Variants in SAP30 observed in about 807,000 individuals in gnomAD.
The protein encoded by SAP30 is histone deacetylase complex subunit SAP30.
A neutral mutation model predicts 19.6 loss-of-function variants in SAP30; 13 were observed. The observed-to-expected ratio is 0.66, with a 90% confidence interval of 0.43 to 1.05. The LOEUF is 1.05. Among genes scored for constraint, SAP30 ranks in the 50% least tolerant of loss-of-function variants. SAP30 has a pLI of 0.00. For missense variants in SAP30, 257 were observed against 292.1 expected (o/e 0.88, Z 0.88); for synonymous variants, 108 against 122.7 (o/e 0.88, Z 0.79).
chr4:173,374,272 C>T (rs575209876), intron 3 of SAP30, among the ~76,000 whole-genome samples: 1 of 152,212 alleles, frequency 6.6e-6, no homozygotes, highest in South Asian at 2.1e-4. Flanking sequence ...TACTGGCTTT[C>T]AAAATGTGTT....
rs767690430 is a variant in SAP30, at chr4:173,371,203, C to G, written c.21C>G (p.Asp7Glu). ...GAGACATGAACGGCTTCACGCCTGA[C>G]GAGATGAGCCGCGGCGGGGATGCGG... Reference protein sequence around the residue: MNGFTPDEMSRGGDAAA... With the variant: MNGFTPEEMSRGGDAAA... Residue 7 changes from aspartate (D) to glutamate (E), a missense_variant, in exon 1 of 4, where the codon GAC (aspartate) becomes GAG (glutamate). By Grantham distance (45) the Asp-to-Glu change is conservative. Transcript: ENST00000296504. The surrounding 1 kb of genome is among the most constrained non-coding windows in gnomAD (Gnocchi z 6.4). 9 of 1,477,420 alleles carry G rather than the reference C, an allele frequency of 6.1e-6. No homozygotes were observed. The highest frequency in any genetic ancestry group is 2.9e-5 in the East Asian group (1 of 33,954). 91.5% of individuals were successfully genotyped at this position (1,477,420 alleles called of 1,614,324 possible).
intron 1 of SAP30, among the ~76,000 whole-genome samples, 156 bp from the exon 2 acceptor site, chr4:173,373,234 G>A (rs1312964759): frequency 1.3e-5 from 2 of 151,850 alleles, no homozygotes; most frequent in Non-Finnish European, 2.9e-5. Flanking sequence ...ATGTTTTAGC[G>A]TATAGGATTT....
At position 173,374,035 on chromosome 4, in the gene SAP30, G is replaced by T. The variant is rs1738996273; in HGVS notation, c.538G>T (p.Glu180Ter). The T allele has an allele frequency of 6.4e-7, 1 of 1,561,326 alleles. No individual in the cohort carries two copies. Among genetic ancestry groups the T allele is most frequent in the East Asian group, 2.3e-5 (1 of 43,944 alleles). ...RPGLNKAQLV[E>*]IVGCHFRSIP... is the part of the protein sequence containing the mutation. ...AGGACTTAATAAAGCACAACTTGTT[G>T]AGGTATATATGAGTTTTAAACTATT... Residue 180 changes from glutamate to a stop codon, truncating the protein, a stop_gained and splice_region_variant, in exon 3 of 4, where the codon GAG becomes TAG. Coordinates refer to ENST00000296504, the MANE Select transcript of SAP30 (RefSeq NM_003864.4). LOFTEE classifies it high-confidence loss of function.
Position 173,371,839 on chromosome 4 carries a change from T to A in SAP30, c.315+342T>A, listed in dbSNP as rs2126904285. 6.6e-6 allele frequency among the ~76,000 whole-genome samples: 1 copy of A among 152,324 alleles called. No individual in the cohort carries two copies. Among genetic ancestry groups the A allele is most frequent in the African/African-American group, 2.4e-5 (1 of 41,574 alleles). On this transcript the variant is annotated intron_variant, in intron 1 of 3. Transcript: ENST00000296504. The surrounding 1 kb of genome is among the most constrained non-coding windows in gnomAD (Gnocchi z 6.4). Reference sequence around the variant, plus strand: ...GCGCACTGAGGGCCCAGAGTAGTTTTCTTGCAGCCCGGCAGCTCTTCTGGA... The same window carrying A: ...GCGCACTGAGGGCCCAGAGTAGTTTACTTGCAGCCCGGCAGCTCTTCTGGA...
chr4:173,371,499 T>G lies in SAP30; in HGVS notation c.315+2T>G, dbSNP rs1437145920. 5.1e-6 allele frequency: 8 copies of G among 1,581,196 alleles called. No individual in the cohort carries two copies. The highest frequency in any genetic ancestry group is 6.8e-6 in the Non-Finnish European group (8 of 1,169,210). ...GTGAAGATCGAGCTGGATAAGAGCG[T>G]AAGTAAACCGCGGGACCGCCCTGCC... On this transcript the variant is annotated splice_donor_variant, in intron 1 of 3. Coordinates refer to ENST00000296504, the MANE Select transcript of SAP30 (RefSeq NM_003864.4). LOFTEE classifies it high-confidence loss of function. This position sits in a 1 kb window ranked among gnomAD's most constrained non-coding sequence, Gnocchi z 6.4.
chr4:173,376,971 T>C (rs1458663096), intron 3 of SAP30, among the ~76,000 whole-genome samples: 1 of 152,072 alleles, frequency 6.6e-6, no homozygotes, highest in Non-Finnish European at 1.5e-5. Context: ...TTCTAATCAA[T>C]GTATATTAAA....
At chr4:173,375,339 CTATT>C (rs1234404738) in intron 3 of SAP30, among the ~76,000 whole-genome samples, 1 of 152,008 alleles carries the variant, frequency 6.6e-6, no homozygotes, top group African/African-American at 2.4e-5. Flanking sequence ...AATATATTAA[CTATT>C]TAGCTAAAAT....
chr4:173,371,204 G>A lies in SAP30; in HGVS notation c.22G>A (p.Glu8Lys), dbSNP rs1478373763. ...AGACATGAACGGCTTCACGCCTGACGAGATGAGCCGCGGCGGGGATGCGGC... is the reference window on the plus strand; with the variant it reads ...AGACATGAACGGCTTCACGCCTGACAAGATGAGCCGCGGCGGGGATGCGGC... MNGFTPD[E>K]MSRGGDAAAA... Residue 8 changes from glutamate (E) to lysine (K), a missense_variant, in exon 1 of 4, where the codon GAG becomes AAG. By Grantham distance (56) the Glu-to-Lys change is moderately conservative. Coordinates refer to ENST00000296504, the MANE Select transcript of SAP30 (RefSeq NM_003864.4). The surrounding 1 kb of genome is among the most constrained non-coding windows in gnomAD (Gnocchi z 6.4). The A allele has an allele frequency of 1.3e-6, 2 of 1,484,928 alleles. No individual in the cohort carries two copies. The highest frequency in any genetic ancestry group is 1.8e-6 in the Non-Finnish European group (2 of 1,124,306). 92.0% of individuals were successfully genotyped at this position (1,484,928 alleles called of 1,614,324 possible). A position where few individuals can be genotyped will look rare whatever the true frequency, so the allele number is the denominator to read the frequency against.
At chr4:173,376,973 T>C (rs1323625681) in intron 3 of SAP30, among the ~76,000 whole-genome samples, 1 of 152,116 alleles carries the variant, frequency 6.6e-6, no homozygotes, top group East Asian at 1.9e-4. Context: ...CTAATCAATG[T>C]ATATTAAATT....
At chr4:173,373,270 A>G (rs1400748409) in intron 1 of SAP30, 120 bp from the exon 2 acceptor site, 5 of 791,654 alleles carry the variant, frequency 6.3e-6, no homozygotes, top group Non-Finnish European at 9.5e-6. Context: ...CCATTATCTT[A>G]ACAATGGCCC....
At chr4:173,375,421 T>C (rs923205623) in intron 3 of SAP30, among the ~76,000 whole-genome samples, 1 of 152,156 alleles carries the variant, frequency 6.6e-6, no homozygotes, top group Non-Finnish European at 1.5e-5. Flanking sequence ...AAAGATCAAG[T>C]TCTTTTGGGG....
At position 173,373,522 on chromosome 4, in the gene SAP30, G is replaced by A; in HGVS notation, c.441+7G>A. 2 of 1,591,166 alleles carry A rather than the reference G, an allele frequency of 1.3e-6. No individual in the cohort carries two copies. Among genetic ancestry groups the A allele is most frequent in the Non-Finnish European group, 1.7e-6 (2 of 1,170,616 alleles). On this transcript the variant is annotated splice_region_variant and intron_variant, in intron 2 of 3. Transcript: ENST00000296504. ...AGATATTGATACCCCAGAGGTAGAT[G>A]GAAGTTTTTTATGCTTAATGTAAAT... is the stretch of plus-strand genomic sequence containing the variant.
At chr4:173,374,797 A>G (rs1739008050) in intron 3 of SAP30, among the ~76,000 whole-genome samples, 1 of 152,034 alleles carries the variant, frequency 6.6e-6, no homozygotes, top group South Asian at 2.1e-4. Context: ...TGACTTAACT[A>G]TTTCAAAATT....
intron 3 of SAP30, among the ~76,000 whole-genome samples, chr4:173,376,725 C>A (rs1469123967): frequency 6.6e-6 from 1 of 152,152 alleles, no homozygotes; most frequent in East Asian, 1.9e-4. Context: ...TTCAAGCAAT[C>A]CTCCTGTCTA....
rs367990401 is a variant in SAP30, at chr4:173,377,266, T to C, written c.602T>C (p.Ile201Thr). ...GAAAAAGACACCTTAACATATTTCA[T>C]CTACTCAGTGAAGAATGACAAGAAC... is the stretch of plus-strand genomic sequence containing the variant. ...VNEKDTLTYF[I>T]YSVKNDKNKS... The change falls in exon 4 of 4, where the codon ATC becomes ACC. Residue 201 changes from isoleucine to threonine, a missense_variant. By Grantham distance (89) the Ile-to-Thr change is moderately conservative. Transcript: ENST00000296504. 3.1e-6 allele frequency: 5 copies of C among 1,609,566 alleles called. No individual in the cohort carries two copies. Among genetic ancestry groups the C allele is most frequent in the Non-Finnish European group, 1.7e-6 (2 of 1,177,996 alleles).
chr4:173,372,418 C>T (rs896668055), intron 1 of SAP30, among the ~76,000 whole-genome samples: 12 of 152,058 alleles, frequency 7.9e-5, no homozygotes, highest in South Asian at 2.1e-4. Context: ...ACTTTTTGCC[C>T]GTTTAAACAG....
rs1463732005 is a variant in SAP30 at position 173,373,452 on chromosome 4, A to G, written c.378A>G (p.Arg126=). Residue 126 remains arginine (R), a synonymous_variant, in exon 2 of 4, where the codon AGA becomes AGG. Transcript: ENST00000296504. ...TAATTCAGAGTGTTCGAAACAGAAG[A>G]AAGAGAAAAGGGAGTGATGATGATG... is the stretch of plus-strand genomic sequence containing the variant. The part of the protein sequence containing the change: ...KNLIQSVRNR[R]KRKGSDDDGG... 1.9e-6 allele frequency: 3 copies of G among 1,613,216 alleles called. No individual in the cohort carries two copies. The highest frequency in any genetic ancestry group is 2.5e-6 in the Non-Finnish European group (3 of 1,179,626).
rs2126903731 is a variant in SAP30, at chr4:173,371,216, G to T, written c.34G>T (p.Gly12Cys). 2.7e-6 allele frequency: 4 copies of T among 1,478,618 alleles called. No individual in the cohort carries two copies. The East Asian group carries it at 1.2e-4, about 43-fold the overall frequency. 91.6% of individuals were successfully genotyped at this position (1,478,618 alleles called of 1,614,324 possible). ...NGFTPDEMSR[G>C]GDAAAAVAAV... ...CTTCACGCCTGACGAGATGAGCCGC[G>T]GCGGGGATGCGGCCGCCGCAGTGGC... Residue 12 changes from glycine (G) to cysteine (C), a missense_variant, in exon 1 of 4, where the codon GGC becomes TGC. Coordinates refer to ENST00000296504, the MANE Select transcript of SAP30 (RefSeq NM_003864.4). This position sits in a 1 kb window ranked among gnomAD's most constrained non-coding sequence, Gnocchi z 6.4.
At position 173,371,171 on chromosome 4, in the gene SAP30, G is replaced by T. The variant is rs1324984746; in HGVS notation, c.-12G>T. The T allele has an allele frequency of 1.2e-5, 18 of 1,487,138 alleles. No homozygotes were observed. The highest frequency in any genetic ancestry group is 1.6e-5 in the Non-Finnish European group (18 of 1,125,926). The allele number at this position is 1,487,138 out of a possible 1,614,324, so 92.1% of individuals were successfully genotyped here. On this transcript the variant is annotated 5_prime_UTR_variant, in exon 1 of 4. Coordinates refer to ENST00000296504, the MANE Select transcript of SAP30 (RefSeq NM_003864.4). The surrounding 1 kb of genome is among the most constrained non-coding windows in gnomAD (Gnocchi z 6.4). ...GGATTTCTGTCAGCGCCGGCCTCGG[G>T]AGCTCGGAGACATGAACGGCTTCAC...
Sources: allele counts gnomAD v4.1 joint callset (sites outside exome capture counted in the v4.1 genomes callset), GRCh38; gene constraint gnomAD v4.1.1; non-coding constraint Gnocchi (gnomAD v3.1); transcripts MANE v1.5; gene names NCBI Gene and HGNC (gene_info 2026-07-23, HGNC 2026-07-21).